Variants in GPBP1 observed in about 807,000 individuals in gnomAD.
GPBP1 encodes the protein GC-rich promoter binding protein 1.
Under a neutral mutation model 56.5 loss-of-function variants are expected in GPBP1, and 13 were observed. That is an observed-to-expected ratio of 0.23 (90% CI 0.15 to 0.37). GPBP1 has a LOEUF of 0.37. GPBP1 is among the 10% of genes least tolerant of loss of function. The pLI, the probability that GPBP1 is intolerant of heterozygous loss-of-function variation, is 1.00. For synonymous variants in GPBP1, 204 were observed against 188.9 expected (o/e 1.08, Z -0.66); for missense variants, 477 against 572.3 (o/e 0.83, Z 1.70).
rs1257286460 is a variant in GPBP1, at chr5:57,264,405, A to C, written c.*1653A>C. ...TTAGATTGTACTATTTGCTTAATAGATTAATGAAATTTATCAGATACAACC... is the reference window on the plus strand; with the variant it reads ...TTAGATTGTACTATTTGCTTAATAGCTTAATGAAATTTATCAGATACAACC... On this transcript the variant is annotated 3_prime_UTR_variant, in exon 12 of 12. Transcript: ENST00000506184. The C allele has an allele frequency of 6.6e-6, 1 of 152,180 alleles. No individual in the cohort carries two copies. The highest frequency in any genetic ancestry group is 1.5e-5 in the Non-Finnish European group (1 of 68,010). The allele number at this position is 152,180 out of a possible 1,614,324, so 9.4% of individuals were successfully genotyped here. A position where few individuals can be genotyped will look rare whatever the true frequency, so the allele number is the denominator to read the frequency against.
chr5:57,236,909 A>T, intron 6 of GPBP1: 1 of 543,276 alleles, frequency 1.8e-6, no homozygotes, highest in Non-Finnish European at 3.3e-6. Flanking sequence ...CAGTAAAGGC[A>T]TTATTTTAAA....
intron 9 of GPBP1, 45 bp downstream of exon 9, chr5:57,249,621 T>C (rs1009190485): frequency 2.7e-6 from 4 of 1,461,280 alleles, no homozygotes; most frequent in Non-Finnish European, 3.8e-6. Flanking sequence ...TGATATGTCA[T>C]TGAAATATTT....
At chr5:57,228,812 A>C (rs1756311049) in intron 3 of GPBP1, among the ~76,000 whole-genome samples, 1 of 152,138 alleles carries the variant, frequency 6.6e-6, no homozygotes, top group South Asian at 2.1e-4. Context: ...ACTGAAAAAA[A>C]AAAACTAACC....
intron 2 of GPBP1, among the ~76,000 whole-genome samples, chr5:57,180,107 C>T (rs1753975866): frequency 6.6e-6 from 1 of 151,968 alleles, no homozygotes; most frequent in Admixed American, 6.6e-5. Flanking sequence ...AGTTTAAAAC[C>T]AGGCCAGATT....
intron 2 of GPBP1, among the ~76,000 whole-genome samples, chr5:57,200,592 C>G (rs1344465676): frequency 6.6e-6 from 1 of 151,902 alleles, no homozygotes; most frequent in South Asian, 2.1e-4. Context: ...TGGCCTCGAC[C>G]TCCTGACCTT....
Position 57,231,184 on chromosome 5 carries a change from G to A in GPBP1, c.274G>A (p.Gly92Ser). ...ENINHRGGYHGGSSRSRSSIF... is the reference protein window; with the variant it reads ...ENINHRGGYHSGSSRSRSSIF... The stretch of plus-strand genomic sequence containing the variant: ...CATAAATCATCGAGGTGGATACCAT[G>A]GTGGAAGTTCCCGTTCTCGTAGCAG... The change falls in exon 5 of 12, where the codon GGT (glycine) becomes AGT (serine). Residue 92 changes from glycine to serine, a missense_variant. Physicochemically the swap from Gly to Ser is moderately conservative, Grantham distance 56. Around this residue, in one of 2 missense-constraint regions of GPBP1, gnomAD observed 414 missense variants for 458.2 expected, o/e 0.90. Coordinates refer to ENST00000506184, the MANE Select transcript of GPBP1 (RefSeq NM_022913.4). 1 of 1,614,150 alleles carries A rather than the reference G, an allele frequency of 6.2e-7. No homozygotes were observed. Among genetic ancestry groups the A allele is most frequent in the Non-Finnish European group, 8.5e-7 (1 of 1,180,016 alleles).
Position 57,238,375 on chromosome 5 carries a change from A to G in GPBP1, c.478+2343A>G, listed in dbSNP as rs577994189. 4.0e-3 allele frequency among the ~76,000 whole-genome samples: 608 copies of G among 152,228 alleles called. 3 individuals are homozygous for G. The highest frequency in any genetic ancestry group is 0.013 in the African/African-American group (531 of 41,522). On this transcript the variant is annotated intron_variant, in intron 6 of 11. Coordinates refer to ENST00000506184, the MANE Select transcript of GPBP1 (RefSeq NM_022913.4). ...TGAGGTCGACACCAGCCTGACCAAC[A>G]TGGAGAAACCCCATCTCTACTAAAA...
At chr5:57,217,313 C>T (rs1755739663) in intron 3 of GPBP1, among the ~76,000 whole-genome samples, 1 of 152,234 alleles carries the variant, frequency 6.6e-6, no homozygotes, top group African/African-American at 2.4e-5. Flanking sequence ...TGGCTCACGC[C>T]TATAATCCCA....
At chr5:57,236,650 CAGA>C (rs2111879614) in intron 6 of GPBP1, among the ~76,000 whole-genome samples, 1 of 148,156 alleles carries the variant, frequency 6.7e-6, no homozygotes, top group South Asian at 2.1e-4. Context: ...TAGCATTTTA[CAGA>C]AGATTAAACT....
intron 3 of GPBP1, among the ~76,000 whole-genome samples, chr5:57,226,282 T>A (rs139649835): frequency 1.3e-5 from 2 of 152,216 alleles, no homozygotes; most frequent in Non-Finnish European, 2.9e-5. Context: ...AAATTACTTA[T>A]TGGTGGTTCC....
At chr5:57,182,879 T>C (rs1485143138) in intron 2 of GPBP1, among the ~76,000 whole-genome samples, 2 of 152,090 alleles carry the variant, frequency 1.3e-5, no homozygotes, top group Non-Finnish European at 2.9e-5. Context: ...GAGAGAGTCT[T>C]GTTATGTTTC....
chr5:57,221,228 G>T, intron 3 of GPBP1: 2 of 613,502 alleles, frequency 3.3e-6, no homozygotes, highest in Non-Finnish European at 5.7e-6. Context: ...TAGTGAGAAG[G>T]ATATTTTACA....
chr5:57,219,482 T>G (rs1473319801), intron 3 of GPBP1, among the ~76,000 whole-genome samples: 2 of 136,840 alleles, frequency 1.5e-5, no homozygotes, highest in East Asian at 4.3e-4. Context: ...AAAAAAAAGG[T>G]ACTTGAAATT....
chr5:57,223,766 A>G (rs927920679), intron 3 of GPBP1, among the ~76,000 whole-genome samples: 2 of 149,560 alleles, frequency 1.3e-5, no homozygotes, highest in Non-Finnish European at 3.0e-5. Flanking sequence ...TTAGTTATAT[A>G]TATATTTTAA....
At chr5:57,208,692 C>CGTCGTCCAG (rs938628470) in intron 2 of GPBP1, among the ~76,000 whole-genome samples, 2 of 145,286 alleles carry the variant, frequency 1.4e-5, no homozygotes, top group Admixed American at 6.9e-5. Flanking sequence ...AGTCTCACCC[C>CGTCGTCCAG]GTCGTCCAGG....
At chr5:57,226,311 C>T (rs1756185993) in intron 3 of GPBP1, among the ~76,000 whole-genome samples, 1 of 152,212 alleles carries the variant, frequency 6.6e-6, no homozygotes, top group Non-Finnish European at 1.5e-5. Context: ...ACCAGCGTTC[C>T]TCCTTCCAGG....
At chr5:57,194,859 C>T (rs558971776) in intron 2 of GPBP1, among the ~76,000 whole-genome samples, 1 of 152,148 alleles carries the variant, frequency 6.6e-6, no homozygotes, top group Non-Finnish European at 1.5e-5. Context: ...GAATAATATT[C>T]CATAGCCATA....
intron 2 of GPBP1, among the ~76,000 whole-genome samples, chr5:57,207,783 G>A (rs977703650): frequency 1.2e-4 from 19 of 152,112 alleles, no homozygotes; most frequent in African/African-American, 4.6e-4. Context: ...AGTGACCTGG[G>A]CTCTCCTCTG....
chr5:57,215,425 C>T (rs1443042328), intron 3 of GPBP1, among the ~76,000 whole-genome samples: 4 of 152,206 alleles, frequency 2.6e-5, no homozygotes, highest in African/African-American at 4.8e-5. Context: ...TGATATCAAA[C>T]CCATCCGTTA....
Sources: gnomAD v4.1 joint callset for allele counts (sites outside exome capture counted in the v4.1 genomes callset) on GRCh38, gnomAD v4.1.1 for gene constraint, gnomAD v4.1.1 regional missense constraint, MANE v1.5 for transcripts, NCBI Gene and HGNC (gene_info 2026-07-23, HGNC 2026-07-21) for gene names.